The following DSCAM variants were observed in gnomAD, a reference collection of about 807,000 sequenced individuals.
DSCAM encodes DS cell adhesion molecule.
A neutral mutation model predicts 217.7 loss-of-function variants in DSCAM; 47 were observed. That is an observed-to-expected ratio of 0.22 (90% CI 0.17 to 0.28). The LOEUF (loss-of-function observed/expected upper bound fraction) is 0.28. DSCAM is among the 10% of genes least tolerant of loss of function. DSCAM has a pLI of 1.00. For synonymous variants in DSCAM, 1,056 were observed against 1,015.3 expected, an observed-to-expected ratio of 1.04 and a Z score of -0.76; for missense variants, 2,080 against 2,618.3, an observed-to-expected ratio of 0.79 and a Z score of 4.49.
intron 1 of DSCAM, among the ~76,000 whole-genome samples, chr21:40,807,802 G>A (rs942245180): frequency 6.6e-6 from 1 of 152,128 alleles, no homozygotes; most frequent in Non-Finnish European, 1.5e-5. Context: ...CCAAAAGCCT[G>A]AATTTCTATC....
intron 3 of DSCAM, among the ~76,000 whole-genome samples, chr21:40,456,083 TATA>T (rs1178532397): frequency 6.6e-6 from 1 of 151,846 alleles, no homozygotes; most frequent in South Asian, 2.1e-4. Context: ...AAACTTAAAG[TATA>T]ATAATAATAA....
chr21:40,146,986 G>A (rs1271929722), intron 16 of DSCAM, among the ~76,000 whole-genome samples: 1 of 152,178 alleles, frequency 6.6e-6, no homozygotes, highest in Non-Finnish European at 1.5e-5. Context: ...TCACCTATAA[G>A]TCAAATTTAC....
intron 3 of DSCAM, among the ~76,000 whole-genome samples, chr21:40,677,968 G>A (rs2090359587): frequency 7.3e-6 from 1 of 137,426 alleles, no homozygotes; most frequent in Non-Finnish European, 1.6e-5. Flanking sequence ...AACAATCTAA[G>A]ACAATATTTA....
At chr21:40,258,967 C>T (rs542152627) in intron 11 of DSCAM, among the ~76,000 whole-genome samples, 8 of 152,248 alleles carry the variant, frequency 5.3e-5, no homozygotes, top group African/African-American at 1.7e-4. Context: ...GGCGGGTGTA[C>T]CCCTTCTGCA....
chr21:40,137,129 C>T (rs1452239205), intron 18 of DSCAM, among the ~76,000 whole-genome samples: 7 of 143,726 alleles, frequency 4.9e-5, no homozygotes, highest in Non-Finnish European at 6.0e-5. Context: ...GAGTCGAGAT[C>T]GCACCACTGC....
Position 40,062,851 on chromosome 21 carries a change from G to T in DSCAM, c.4919+18C>A. 1.3e-6 allele frequency: 2 copies of T among 1,581,410 alleles called. No homozygotes were observed. Among genetic ancestry groups the T allele is most frequent in the Non-Finnish European group, 1.7e-6 (2 of 1,168,286 alleles). ...TTCTTTCAAACATGATATCTGGGGT[G>T]CTAGGTCTTGTTCTTACCTCATGAG... On this transcript the variant is annotated intron_variant, in intron 28 of 32. Transcript: ENST00000400454.
intron 6 of DSCAM, 106 bp downstream of exon 6, chr21:40,347,564 A>C: frequency 2.1e-6 from 3 of 1,438,210 alleles, no homozygotes; most frequent in Admixed American, 2.0e-5. Flanking sequence ...TGAGACAGAG[A>C]GCCTAGAACT....
chr21:40,453,020 G>T (rs2075732697), intron 3 of DSCAM, among the ~76,000 whole-genome samples: 1 of 145,514 alleles, frequency 6.9e-6, no homozygotes, highest in African/African-American at 2.6e-5. Context: ...TGCCTCTCTG[G>T]TTCCTGAATT....
At chr21:40,037,637 G>A (rs2088651716) in intron 32 of DSCAM, among the ~76,000 whole-genome samples, 1 of 149,942 alleles carries the variant, frequency 6.7e-6, no homozygotes, top group Non-Finnish European at 1.5e-5. Context: ...AGCTACCAAT[G>A]CCTTTCTTCA....
chr21:40,179,184 C>CAA (rs11286508), intron 14 of DSCAM, 90 bp from the exon 15 acceptor site: 9,397 of 101,486 alleles, frequency 0.093, 84 homozygotes, highest in South Asian at 0.14. Context: ...AATTAAAAAC[C>CAA]AAAAAAAAAA....
At chr21:40,018,097 T>C (rs1030084335) in intron 32 of DSCAM, among the ~76,000 whole-genome samples, 1 of 152,226 alleles carries the variant, frequency 6.6e-6, no homozygotes, top group Non-Finnish European at 1.5e-5. Flanking sequence ...TCGTTTATGG[T>C]AGTTATTCTT....
At chr21:40,630,441 G>T (rs1170187662) in intron 3 of DSCAM, among the ~76,000 whole-genome samples, 1 of 152,098 alleles carries the variant, frequency 6.6e-6, no homozygotes, top group Admixed American at 6.6e-5. Context: ...TGGGATTACA[G>T]GTGCACGTGA....
At chr21:40,668,263 A>G (rs1304682874) in intron 3 of DSCAM, among the ~76,000 whole-genome samples, 1 of 152,166 alleles carries the variant, frequency 6.6e-6, no homozygotes, top group African/African-American at 2.4e-5. Context: ...CCTTCCTTGC[A>G]TTTATAAAAG....
At chr21:40,249,522 C>G (rs1241911211) in intron 11 of DSCAM, among the ~76,000 whole-genome samples, 1 of 152,110 alleles carries the variant, frequency 6.6e-6, no homozygotes. Flanking sequence ...TCGGGTATGT[C>G]TTTATTAGCA....
At chr21:40,833,107 T>C (rs972405385) in intron 1 of DSCAM, among the ~76,000 whole-genome samples, 4 of 151,358 alleles carry the variant, frequency 2.6e-5, no homozygotes. Flanking sequence ...TAGGCAACAC[T>C]CAGAAGGGAA....
intron 3 of DSCAM, among the ~76,000 whole-genome samples, chr21:40,445,009 G>A (rs985610981): frequency 2.6e-5 from 4 of 152,154 alleles, no homozygotes; most frequent in African/African-American, 4.8e-5. Context: ...GGAGCCTGGG[G>A]AATCTAAGAA....
chr21:40,465,146 T>C (rs528849597), intron 3 of DSCAM, among the ~76,000 whole-genome samples: 2 of 152,274 alleles, frequency 1.3e-5, no homozygotes, highest in East Asian at 3.9e-4. Context: ...TTCATGTACA[T>C]ATAAGATCTT....
chr21:40,032,487 G>C (rs984227803), intron 32 of DSCAM, among the ~76,000 whole-genome samples: 1 of 152,036 alleles, frequency 6.6e-6, no homozygotes, highest in Non-Finnish European at 1.5e-5. Flanking sequence ...AATTGTAATC[G>C]AGTCCCTGCA....
At chr21:40,638,731 C>A (rs1262918628) in intron 3 of DSCAM, among the ~76,000 whole-genome samples, 1 of 152,160 alleles carries the variant, frequency 6.6e-6, no homozygotes, top group South Asian at 2.1e-4. Context: ...GGTAATTACA[C>A]CCATTTTACT....
Sources: gnomAD v4.1 joint callset for allele counts (sites outside exome capture counted in the v4.1 genomes callset) on GRCh38, gnomAD v4.1.1 for gene constraint, MANE v1.5 for transcripts, NCBI Gene and HGNC (gene_info 2026-07-23, HGNC 2026-07-21) for gene names.